The following ZC3H13 variants were observed in gnomAD, a reference collection of about 807,000 sequenced individuals.
The protein encoded by ZC3H13 is zinc finger CCCH domain-containing protein 13.
ZC3H13 carries 64 observed loss-of-function variants against 204.1 expected under a neutral mutation model. That is an observed-to-expected ratio of 0.31 (90% CI 0.26 to 0.39). The LOEUF (loss-of-function observed/expected upper bound fraction) is 0.39. Among genes scored for constraint, ZC3H13 ranks in the 10% least tolerant of loss-of-function variants. The probability of loss-of-function intolerance (pLI) is 1.00; values close to 1 mark genes in which losing one functional copy is unlikely to be tolerated. For missense variants in ZC3H13, 1,833 were observed against 2,082.7 expected (o/e 0.88, Z 2.33); for synonymous variants, 667 against 693.7 (o/e 0.96, Z 0.60).
chr13:46,000,192 CGAGA>C (rs773886914), intron 8 of ZC3H13, among the ~76,000 whole-genome samples: 1 of 152,164 alleles, frequency 6.6e-6, no homozygotes, highest in Non-Finnish European at 1.5e-5. Context: ...TGGCCCCTAA[CGAGA>C]GAGTCAGCCT....
chr13:45,982,533 G>T (rs1332721211), intron 10 of ZC3H13, among the ~76,000 whole-genome samples: 1 of 152,250 alleles, frequency 6.6e-6, no homozygotes, highest in African/African-American at 2.4e-5. Context: ...TGAAAGGATG[G>T]AAAAAGATAT....
intron 7 of ZC3H13, among the ~76,000 whole-genome samples, chr13:46,009,392 GA>G (rs1380965556): frequency 2.6e-5 from 4 of 152,132 alleles, no homozygotes; most frequent in Non-Finnish European, 5.9e-5. Flanking sequence ...TGAGGTAGCT[GA>G]ATGAAAATGT....
At chr13:45,958,663 T>C (rs898416827) in intron 18 of ZC3H13, among the ~76,000 whole-genome samples, 3 of 148,984 alleles carry the variant, frequency 2.0e-5, no homozygotes, top group African/African-American at 7.4e-5. Context: ...TTTTTTTTTT[T>C]TTTTTTTTTT....
At chr13:46,039,126 A>AT (rs1275769429) in intron 4 of ZC3H13, among the ~76,000 whole-genome samples, 1 of 152,198 alleles carries the variant, frequency 6.6e-6, no homozygotes, top group African/African-American at 2.4e-5. Context: ...CACTGTTGAA[A>AT]TTTGTAACTC....
intron 1 of ZC3H13, among the ~76,000 whole-genome samples, chr13:46,046,597 G>C (rs1236165668): frequency 2.6e-5 from 4 of 151,030 alleles, no homozygotes; most frequent in South Asian, 4.2e-4. Context: ...GAACCCAGGA[G>C]GCAGAGCTTG....
intron 8 of ZC3H13, among the ~76,000 whole-genome samples, chr13:45,993,043 C>G (rs999161900): frequency 6.6e-6 from 1 of 152,128 alleles, no homozygotes; most frequent in African/African-American, 2.4e-5. Flanking sequence ...GGTTCAGTTT[C>G]TCTGGAAAAC....
intron 6 of ZC3H13, 149 bp downstream of exon 6, chr13:46,011,266 T>C (rs1252190669): frequency 4.1e-6 from 2 of 491,394 alleles, no homozygotes; most frequent in African/African-American, 4.0e-5. Context: ...GAAAATTAAA[T>C]GAATATATAT....
rs73480522 is a variant in ZC3H13, at chr13:46,011,916, G to A, written c.449-362C>T. On this transcript the variant is annotated intron_variant, in intron 5 of 18. Coordinates refer to ENST00000679008, the MANE Select transcript of ZC3H13 (RefSeq NM_001330564.2). ...GCCTTCAATATTTCATGCTGTATAC[G>A]ATGCGACTCATTATCTCCTTGATTT... Among the ~76,000 whole-genome samples, 1,157 of 152,196 alleles carry A rather than the reference G, an allele frequency of 7.6e-3. 15 individuals carry two copies. Among genetic ancestry groups the A allele is most frequent in the African/African-American group, 0.026 (1,098 of 41,532 alleles).
intron 11 of ZC3H13, 82 bp downstream of exon 11, chr13:45,979,731 A>G: frequency 1.5e-6 from 2 of 1,375,744 alleles, no homozygotes; most frequent in Admixed American, 4.8e-5. Flanking sequence ...TTTTATATTA[A>G]AAAGTAAATT....
intron 3 of ZC3H13, among the ~76,000 whole-genome samples, chr13:46,042,634 G>A (rs1264053596): frequency 6.6e-6 from 1 of 152,036 alleles, no homozygotes; most frequent in East Asian, 1.9e-4. Context: ...TTAGTTATAT[G>A]TGGGAGCAAA....
At chr13:45,985,985 C>T (rs1226595869) in intron 9 of ZC3H13, among the ~76,000 whole-genome samples, 1 of 152,168 alleles carries the variant, frequency 6.6e-6, no homozygotes, top group African/African-American at 2.4e-5. Flanking sequence ...CTTACCTATA[C>T]TGCCCCAACT....
chr13:45,988,578 G>T (rs1416314414), intron 9 of ZC3H13, among the ~76,000 whole-genome samples: 3 of 152,066 alleles, frequency 2.0e-5, no homozygotes, highest in Non-Finnish European at 4.4e-5. Flanking sequence ...ACTAAAGAAA[G>T]CACCAGCTTA....
intron 10 of ZC3H13, among the ~76,000 whole-genome samples, chr13:45,981,815 C>T (rs1365185577): frequency 7.0e-6 from 1 of 142,644 alleles, no homozygotes; most frequent in East Asian, 2.0e-4. Context: ...GGGAATTGAA[C>T]AATGAGAACA....
intron 9 of ZC3H13, 77 bp downstream of exon 9, chr13:45,988,710 C>A: frequency 2.0e-6 from 3 of 1,486,556 alleles, no homozygotes; most frequent in Non-Finnish European, 1.8e-6. Flanking sequence ...ATAGCAAAGT[C>A]TTTCTCCATC....
chr13:45,972,237 T>C (rs1033995260), intron 12 of ZC3H13, among the ~76,000 whole-genome samples: 1 of 150,716 alleles, frequency 6.6e-6, no homozygotes, highest in African/African-American at 2.4e-5. Context: ...TGTAAAGATA[T>C]AGAACCAACC....
Position 45,969,480 on chromosome 13 carries a change from C to T in ZC3H13, c.3064G>A (p.Ala1022Thr), listed in dbSNP as rs866544730. The change falls in exon 14 of 19, where the codon GCC becomes ACC. Residue 1022 changes from alanine (A) to threonine (T), a missense_variant. By Grantham distance (58) the Ala-to-Thr change is moderately conservative. Transcript: ENST00000679008. ...CCTCTTTTCTTCTTACTTTGCTGGG[C>T]TGCTTCTTCATCAGAAATATCAGAA... ...GDSDISDEEA[A>T]QQSKKKRGPR... 9.9e-6 allele frequency: 16 copies of T among 1,610,514 alleles called. No individual in the cohort carries two copies. In the African/African-American group the frequency reaches 1.1e-4, roughly 11 times the overall value.
intron 12 of ZC3H13, among the ~76,000 whole-genome samples, chr13:45,974,039 T>C (rs1816843449): frequency 6.6e-6 from 1 of 152,340 alleles, no homozygotes; most frequent in Non-Finnish European, 1.5e-5. Context: ...GCAGGGACCC[T>C]GTATTCGCCC....
chr13:45,963,992 G>A lies in ZC3H13; in HGVS notation c.4525C>T (p.Pro1509Ser), dbSNP rs575400092. ...VDWSGLMPKHPKEPREPGAAL... is the reference protein window; with the variant it reads ...VDWSGLMPKHSKEPREPGAAL... Reference sequence around the variant, plus strand: ...GCCCCAGGCTCTCGTGGTTCTTTTGGATGCTTTGGCATAAGACCAGACCAA... The same window carrying A: ...GCCCCAGGCTCTCGTGGTTCTTTTGAATGCTTTGGCATAAGACCAGACCAA... Residue 1509 changes from proline (P) to serine (S), a missense_variant, in exon 17 of 19, where the codon CCA becomes TCA. Physicochemically the swap from Pro to Ser is moderately conservative, Grantham distance 74 (BLOSUM62 -1). Coordinates refer to ENST00000679008, the MANE Select transcript of ZC3H13 (RefSeq NM_001330564.2). 1 of 1,614,106 alleles carries A rather than the reference G, an allele frequency of 6.2e-7. No individual in the cohort carries two copies. Among genetic ancestry groups the A allele is most frequent in the East Asian group, 2.2e-5 (1 of 44,870 alleles).
chr13:46,016,077 T>C (rs2041891544), intron 5 of ZC3H13, among the ~76,000 whole-genome samples: 1 of 152,040 alleles, frequency 6.6e-6, no homozygotes, highest in Non-Finnish European at 1.5e-5. Context: ...CACAGTAAGA[T>C]ACTACTACAA....
Sources: gnomAD v4.1 joint callset for allele counts (sites outside exome capture counted in the v4.1 genomes callset) on GRCh38, gnomAD v4.1.1 for gene constraint, MANE v1.5 for transcripts, NCBI Gene and HGNC (gene_info 2026-07-23, HGNC 2026-07-21) for gene names.